AGO2: variants seen among roughly 807,000 people sequenced by gnomAD.
AGO2 encodes the protein protein argonaute-2.
In AGO2, 5 loss-of-function variants were observed where a neutral mutation model predicts 102.3. The observed-to-expected ratio is 0.05, with a 90% CI of 0.03 to 0.10. The LOEUF (loss-of-function observed/expected upper bound fraction) is 0.10, where lower values mean the gene tolerates loss of function less well. AGO2 is among the 10% of genes least tolerant of loss of function. The pLI is 1.00. For synonymous variants in AGO2, 449 were observed against 473.1 expected (o/e 0.95, Z 0.66); for missense variants, 541 against 1,183.7 (o/e 0.46, Z 7.97).
intron 4 of AGO2, among the ~76,000 whole-genome samples, chr8:140,561,109 C>G (rs1016243925): frequency 6.6e-6 from 1 of 152,242 alleles, no homozygotes; most frequent in Admixed American, 6.5e-5. Context: ...CAACCTCTTC[C>G]GGGCCTGCTA....
chr8:140,531,208 A>G lies in AGO2; in HGVS notation c.*836T>C, dbSNP rs996057478. 11 of 152,632 alleles carry G rather than the reference A, an allele frequency of 7.2e-5. No individual in the cohort carries two copies. Among genetic ancestry groups the G allele is most frequent in the African/African-American group, 2.7e-4 (11 of 41,462 alleles). The allele number at this position is 152,632 out of a possible 1,614,324, so 9.5% of individuals were successfully genotyped here. On this transcript the variant is annotated 3_prime_UTR_variant, in exon 19 of 19. Coordinates refer to ENST00000220592, the MANE Select transcript of AGO2 (RefSeq NM_012154.5). Reference sequence around the variant, plus strand: ...TATATTCTTCTCTTACATTAAAGACATAACAGTGAAAAAGGATTGTACTGT... The same window carrying G: ...TATATTCTTCTCTTACATTAAAGACGTAACAGTGAAAAAGGATTGTACTGT...
At chr8:140,579,136 T>C (rs987539593) in intron 2 of AGO2, among the ~76,000 whole-genome samples, 5 of 152,028 alleles carry the variant, frequency 3.3e-5, no homozygotes, top group African/African-American at 9.7e-5. Context: ...GGTGGAAGGA[T>C]TGCTTGACCT....
rs1588426008 is a variant in AGO2 at position 140,525,300 on chromosome 8, A to C, written c.*6744T>G. On this transcript the variant is annotated 3_prime_UTR_variant, in exon 19 of 19. Coordinates refer to ENST00000220592, the MANE Select transcript of AGO2 (RefSeq NM_012154.5). ...GGTGGATCTGCGTGCTGCAGCTCCC[A>C]TGACTGAGTCGAGGGGCGAGCGGCT... The C allele has an allele frequency of 6.6e-6, 1 of 152,226 alleles. No homozygotes were observed. Among genetic ancestry groups the C allele is most frequent in the East Asian group, 1.9e-4 (1 of 5,184 alleles). The allele number at this position is 152,226 out of a possible 1,614,324, so 9.4% of individuals were successfully genotyped here.
Position 140,584,022 on chromosome 8 carries a change from C to T in AGO2, c.215+1097G>A, listed in dbSNP as rs73362353. 2.6e-3 allele frequency among the ~76,000 whole-genome samples: 394 copies of T among 152,086 alleles called. 2 individuals are homozygous for T. Among genetic ancestry groups the T allele is most frequent in the African/African-American group, 9.0e-3 (372 of 41,492 alleles). On this transcript the variant is annotated intron_variant, in intron 2 of 18. Coordinates refer to ENST00000220592, the MANE Select transcript of AGO2 (RefSeq NM_012154.5). The stretch of plus-strand genomic sequence containing the variant: ...CCAAACGTTGTCATGCGGTACATGA[C>T]TGTATCTCTATCCTATTGGTTCTGT...
chr8:140,640,167 C>A (rs1209788959), upstream of AGO2, among the ~76,000 whole-genome samples: 3 of 152,146 alleles, frequency 2.0e-5, no homozygotes, highest in East Asian at 1.9e-4. Flanking sequence ...TGCCACCACA[C>A]CCGGCTAATT....
chr8:140,635,452 G>C (rs1171260937), intron 1 of AGO2, 33 bp downstream of exon 1: 109 of 979,706 alleles, frequency 1.1e-4, no homozygotes, highest in Admixed American at 1.3e-4. Context: ...GCGCGCGAAC[G>C]GCCGGGCGGG....
chr8:140,572,535 T>C (rs1359770742), intron 3 of AGO2: 1 of 303,110 alleles, frequency 3.3e-6, no homozygotes, highest in Non-Finnish European at 6.1e-6. Context: ...TTGTGGCTTG[T>C]GTTTAGCATG....
At chr8:140,609,321 C>G (rs1278858973) in intron 1 of AGO2, among the ~76,000 whole-genome samples, 2 of 152,242 alleles carry the variant, frequency 1.3e-5, no homozygotes, top group African/African-American at 4.8e-5. Context: ...TCACACCCGG[C>G]AGAGCGGTGG....
intron 2 of AGO2, among the ~76,000 whole-genome samples, chr8:140,577,793 G>T (rs1365642982): frequency 6.6e-6 from 1 of 152,188 alleles, no homozygotes; most frequent in Non-Finnish European, 1.5e-5. Flanking sequence ...CCCCACTACT[G>T]GAGACACTCC....
At chr8:140,542,998 A>G (rs1440891805) in intron 14 of AGO2, among the ~76,000 whole-genome samples, 2 of 152,176 alleles carry the variant, frequency 1.3e-5, no homozygotes, top group Admixed American at 1.3e-4. Context: ...TTAGCCAGCC[A>G]TGATGACAGG....
chr8:140,523,923 T>TC lies in AGO2; in HGVS notation c.*8120dup, dbSNP rs2072457551. 6.6e-6 allele frequency: 1 copy of TC among 152,050 alleles called. No homozygotes were observed. The highest frequency in any genetic ancestry group is 2.4e-5 in the African/African-American group (1 of 41,392). 9.4% of individuals were successfully genotyped at this position (152,050 alleles called of 1,614,324 possible). On this transcript the variant is annotated 3_prime_UTR_variant, in exon 19 of 19. Transcript: ENST00000220592. ...TAAGAAATAAGTACATGGGATTACTTCCCCACTTAAAACCAATAAAATCAC... is the reference window on the plus strand; with the variant it reads ...TAAGAAATAAGTACATGGGATTACTTCCCCCACTTAAAACCAATAAAATCAC...
intron 1 of AGO2, among the ~76,000 whole-genome samples, chr8:140,585,979 TTTTG>T (rs1394403792): frequency 7.9e-5 from 12 of 152,212 alleles, no homozygotes; most frequent in African/African-American, 2.4e-4. Context: ...TTATTTGCTT[TTTTG>T]TTTGTTTGTT....
chr8:140,566,190 G>C (rs2073281737), intron 3 of AGO2, among the ~76,000 whole-genome samples: 1 of 152,158 alleles, frequency 6.6e-6, no homozygotes, highest in South Asian at 2.1e-4. Context: ...GAATCATGGG[G>C]GCTGGTCTTT....
At chr8:140,583,540 C>T (rs1012353390) in intron 2 of AGO2, among the ~76,000 whole-genome samples, 4 of 152,252 alleles carry the variant, frequency 2.6e-5, no homozygotes, top group Middle Eastern at 3.4e-3. Flanking sequence ...CTGCTGAACA[C>T]GGCAGGCAAT....
intron 1 of AGO2, among the ~76,000 whole-genome samples, chr8:140,591,283 G>A (rs564800885): frequency 6.6e-6 from 1 of 152,316 alleles, no homozygotes; most frequent in South Asian, 2.1e-4. Context: ...AAAAGAATGG[G>A]CCATGGGAGG....
intron 1 of AGO2, among the ~76,000 whole-genome samples, chr8:140,601,702 C>T (rs768740181): frequency 3.9e-5 from 6 of 152,260 alleles, no homozygotes; most frequent in African/African-American, 1.4e-4. Context: ...ACACATCCTC[C>T]TATCTACCTT....
At chr8:140,566,194 G>A (rs1203327329) in intron 3 of AGO2, among the ~76,000 whole-genome samples, 1 of 152,144 alleles carries the variant, frequency 6.6e-6, no homozygotes, top group South Asian at 2.1e-4. Context: ...CATGGGGGCT[G>A]GTCTTTCCCG....
At chr8:140,546,931 C>T (rs1178326664) in intron 13 of AGO2, among the ~76,000 whole-genome samples, 3 of 152,204 alleles carry the variant, frequency 2.0e-5, no homozygotes, top group South Asian at 4.1e-4. Flanking sequence ...AGCTCCATCA[C>T]CCCCAACCCC....
chr8:140,619,044 G>A (rs1248349877), intron 1 of AGO2, among the ~76,000 whole-genome samples: 5 of 151,978 alleles, frequency 3.3e-5, no homozygotes, highest in Admixed American at 1.3e-4. Flanking sequence ...GGGTCAGGGC[G>A]GCTCCTCCGA....
Sources: allele counts gnomAD v4.1 joint callset (sites outside exome capture counted in the v4.1 genomes callset), GRCh38; gene constraint gnomAD v4.1.1; transcripts MANE v1.5; gene names NCBI Gene and HGNC (gene_info 2026-07-23, HGNC 2026-07-21).